The following PCDH15 variants were observed in gnomAD, a reference collection of about 807,000 sequenced individuals.
The protein encoded by PCDH15 is protocadherin related 15, also known as protocadherin-15.
Under a neutral mutation model 178.5 loss-of-function variants are expected in PCDH15, and 129 were observed. That is an observed-to-expected ratio of 0.72 (90% CI 0.63 to 0.84). The LOEUF (loss-of-function observed/expected upper bound fraction) is 0.84, where lower values mean the gene tolerates loss of function less well. PCDH15 is among the 40% of genes least tolerant of loss of function. PCDH15 has a pLI of 0.00. For synonymous variants in PCDH15, 800 were observed against 732.0 expected, an observed-to-expected ratio of 1.09 and a Z score of -1.50; for missense variants, 2,230 against 2,099.9, an observed-to-expected ratio of 1.06 and a Z score of -1.21.
chr10:55,437,711 G>T (rs1207720808), intron 2 of PCDH15, among the ~76,000 whole-genome samples: 1 of 150,896 alleles, frequency 6.6e-6, no homozygotes, highest in Non-Finnish European at 1.5e-5. Flanking sequence ...AGCTGATCTA[G>T]AAAAACAACA....
intron 2 of PCDH15, among the ~76,000 whole-genome samples, chr10:54,976,164 G>A (rs1056248023): frequency 7.2e-5 from 11 of 152,202 alleles, no homozygotes; most frequent in Middle Eastern, 3.4e-3. Flanking sequence ...AGGAATTAGA[G>A]TAAAAGTTGT....
chr10:54,426,906 TA>T (rs879760295), intron 3 of PCDH15, among the ~76,000 whole-genome samples: 1,540 of 144,430 alleles, frequency 0.011, 26 homozygotes, highest in African/African-American at 0.034. Context: ...CCCATGAGTA[TA>T]AAAAAAAAAA....
chr10:54,387,837 C>T (rs1213742240), intron 3 of PCDH15, among the ~76,000 whole-genome samples: 8 of 152,192 alleles, frequency 5.3e-5, no homozygotes, highest in East Asian at 1.9e-4. Flanking sequence ...CAATATTCAT[C>T]GTCTCAGTGA....
intron 3 of PCDH15, among the ~76,000 whole-genome samples, chr10:54,470,555 C>G (rs909254057): frequency 1.3e-5 from 2 of 152,146 alleles, no homozygotes; most frequent in African/African-American, 4.8e-5. Context: ...TAACTCCCTT[C>G]CCAGAGCAAT....
At chr10:55,386,844 A>ATATC (rs1837672521) in intron 2 of PCDH15, among the ~76,000 whole-genome samples, 1 of 152,122 alleles carries the variant, frequency 6.6e-6, no homozygotes, top group African/African-American at 2.4e-5. Context: ...ATACAACTAT[A>ATATC]TATCTAATTT....
chr10:55,306,103 A>G lies in PCDH15; in HGVS notation c.-156+13496T>C, dbSNP rs188429009. Reference sequence around the variant, plus strand: ...AAATGGTAGACCCACCCAAGCTATCATTAACATTGTGAAAATATGGATAAT... The same window carrying G: ...AAATGGTAGACCCACCCAAGCTATCGTTAACATTGTGAAAATATGGATAAT... On this transcript the variant is annotated intron_variant, in intron 1 of 5. Coordinates refer to the PCDH15 transcript ENST00000458638. Among the ~76,000 whole-genome samples, 877 of 152,338 alleles carry G rather than the reference A, an allele frequency of 5.8e-3. 7 individuals are homozygous for G. The highest frequency in any genetic ancestry group is 0.019 in the African/African-American group (779 of 41,586).
chr10:54,894,029 A>C (rs866227717), intron 3 of PCDH15, among the ~76,000 whole-genome samples: 5 of 152,138 alleles, frequency 3.3e-5, no homozygotes, highest in African/African-American at 1.2e-4. Flanking sequence ...ATTATAATAC[A>C]TTATCAATTA....
intron 2 of PCDH15, among the ~76,000 whole-genome samples, chr10:55,505,620 G>A (rs1439471861): frequency 6.6e-6 from 1 of 151,258 alleles, no homozygotes; most frequent in Non-Finnish European, 1.5e-5. Flanking sequence ...AGTCTGCAAT[G>A]GCAGGAGAAT....
At chr10:54,965,061 C>A (rs186355858) in intron 2 of PCDH15, among the ~76,000 whole-genome samples, 89 of 152,260 alleles carry the variant, frequency 5.8e-4, no homozygotes, top group African/African-American at 1.8e-3. Context: ...TAGCTATAAG[C>A]TGCATATTAA....
At chr10:54,441,636 G>C (rs1230609669) in intron 3 of PCDH15, among the ~76,000 whole-genome samples, 1 of 151,874 alleles carries the variant, frequency 6.6e-6, no homozygotes, top group Non-Finnish European at 1.5e-5. Flanking sequence ...AAGTTAGAAG[G>C]ATTGGGTGTC....
At chr10:54,853,031 C>A (rs897114403) in intron 3 of PCDH15, among the ~76,000 whole-genome samples, 1 of 151,138 alleles carries the variant, frequency 6.6e-6, no homozygotes, top group Non-Finnish European at 1.5e-5. Context: ...GAGGCCGAGG[C>A]AGGCAGATCA....
Position 54,271,946 on chromosome 10 carries a change from A to G in PCDH15, c.877-35015T>C, listed in dbSNP as rs1591523198. ...CTTAGAGCCAGATTATACCATTCTCATTAAGAAAGAAAACTTACTACTGTA... is the reference window on the plus strand; with the variant it reads ...CTTAGAGCCAGATTATACCATTCTCGTTAAGAAAGAAAACTTACTACTGTA... On this transcript the variant is annotated intron_variant, in intron 8 of 37. Transcript: ENST00000644397. 2.0e-5 allele frequency among the ~76,000 whole-genome samples: 3 copies of G among 149,556 alleles called. No individual in the cohort carries two copies. The South Asian group carries it at 6.3e-4, about 31-fold the overall frequency.
chr10:54,385,545 A>T (rs151123703), intron 3 of PCDH15, among the ~76,000 whole-genome samples: 1,567 of 152,266 alleles, frequency 0.01, 22 homozygotes, highest in African/African-American at 0.035. Flanking sequence ...TCGTAGAAAA[A>T]CAAATAAGCT....
chr10:55,490,610 C>G (rs1027259881), intron 2 of PCDH15, among the ~76,000 whole-genome samples: 1 of 151,604 alleles, frequency 6.6e-6, no homozygotes, highest in African/African-American at 2.4e-5. Flanking sequence ...CTAGACTTTA[C>G]TTTAGAAAGC....
chr10:54,707,897 G>A (rs12413015), intron 1 of PCDH15, among the ~76,000 whole-genome samples: 1 of 152,094 alleles, frequency 6.6e-6, no homozygotes, highest in Admixed American at 6.5e-5. Context: ...TATAAACTCA[G>A]AGCAGGACTG....
intron 2 of PCDH15, among the ~76,000 whole-genome samples, chr10:55,006,601 G>A (rs563643265): frequency 1.3e-5 from 2 of 151,834 alleles, no homozygotes; most frequent in Non-Finnish European, 2.9e-5. Flanking sequence ...TTTTCAAGAG[G>A]TCTGGTCATT....
intron 3 of PCDH15, among the ~76,000 whole-genome samples, chr10:54,464,761 T>C (rs2077409713): frequency 6.6e-6 from 1 of 152,090 alleles, no homozygotes; most frequent in Non-Finnish European, 1.5e-5. Flanking sequence ...ATTTCCAAGG[T>C]TGAGTATCTA....
At chr10:55,107,484 C>CTTTTTT (rs11290952) in intron 2 of PCDH15, among the ~76,000 whole-genome samples, 94 of 86,194 alleles carry the variant, frequency 1.1e-3, no homozygotes, top group East Asian at 1.5e-3. Flanking sequence ...ATTCTCTTTC[C>CTTTTTT]TTTTTTTTTT....
At chr10:54,223,769 T>C (rs541230745) in intron 9 of PCDH15, among the ~76,000 whole-genome samples, 29 of 152,154 alleles carry the variant, frequency 1.9e-4, no homozygotes, top group South Asian at 4.1e-4. Flanking sequence ...ACAAAAATAA[T>C]GGGCATCTAG....
Sources: gnomAD v4.1 joint callset for allele counts (sites outside exome capture counted in the v4.1 genomes callset) on GRCh38, gnomAD v4.1.1 for gene constraint, MANE v1.5 for transcripts, NCBI Gene and HGNC (gene_info 2026-07-23, HGNC 2026-07-21) for gene names.